KCNIP4: variants seen among roughly 807,000 people sequenced by gnomAD.
KCNIP4 encodes potassium voltage-gated channel interacting protein 4.
Under a neutral mutation model 34.0 loss-of-function variants are expected in KCNIP4, and 12 were observed. The ratio of observed to expected loss-of-function variants is 0.35; its 90% CI spans 0.23 to 0.57. The LOEUF (loss-of-function observed/expected upper bound fraction) is 0.57. Among genes scored for constraint, KCNIP4 ranks in the 20% least tolerant of loss-of-function variants. KCNIP4 has a pLI of 0.83. For missense variants in KCNIP4, 238 were observed against 311.7 expected (o/e 0.76, Z 1.78); for synonymous variants, 124 against 102.2 (o/e 1.21, Z -1.29).
intron 1 of KCNIP4, among the ~76,000 whole-genome samples, chr4:21,247,737 T>G (rs1210827431): frequency 4.5e-5 from 5 of 110,188 alleles, no homozygotes; most frequent in African/African-American, 2.3e-4. Context: ...CACAGGTGGA[T>G]ATATATATAT....
chr4:21,808,372 A>G (rs1721427045), intron 1 of KCNIP4, among the ~76,000 whole-genome samples: 2 of 152,180 alleles, frequency 1.3e-5, no homozygotes, highest in African/African-American at 4.8e-5. Flanking sequence ...ACATGAAATC[A>G]GTGAGAATGA....
intron 3 of KCNIP4, among the ~76,000 whole-genome samples, chr4:20,773,128 G>T (rs926178851): frequency 2.0e-5 from 3 of 151,562 alleles, no homozygotes; most frequent in Non-Finnish European, 4.4e-5. Context: ...TGTAGCTTTT[G>T]GAATCTAACA....
intron 1 of KCNIP4, among the ~76,000 whole-genome samples, chr4:21,771,448 T>C (rs1490358458): frequency 6.6e-6 from 1 of 152,178 alleles, no homozygotes; most frequent in African/African-American, 2.4e-5. Flanking sequence ...CCACATGAAA[T>C]TGAAAATATT....
chr4:20,949,883 A>G (rs1335730634), intron 1 of KCNIP4, among the ~76,000 whole-genome samples: 1 of 147,492 alleles, frequency 6.8e-6, no homozygotes, highest in African/African-American at 2.5e-5. Flanking sequence ...GGGGAGGGAT[A>G]GCATTGGGAG....
At chr4:21,121,783 A>G (rs1473832611) in intron 1 of KCNIP4, among the ~76,000 whole-genome samples, 3 of 152,222 alleles carry the variant, frequency 2.0e-5, no homozygotes, top group Non-Finnish European at 4.4e-5. Context: ...CCATGTTTCC[A>G]GTACGATGTC....
At position 20,796,457 on chromosome 4, in the gene KCNIP4, G is replaced by A. The variant is rs376728264; in HGVS notation, c.289-37567C>T. Among the ~76,000 whole-genome samples, 31 of 152,236 alleles carry A rather than the reference G, an allele frequency of 2.0e-4. 1 individual carries two copies. The highest frequency in any genetic ancestry group is 7.0e-4 in the African/African-American group (29 of 41,548). On this transcript the variant is annotated intron_variant, in intron 3 of 8. Coordinates refer to ENST00000382152, the MANE Select transcript of KCNIP4 (RefSeq NM_025221.6). ...GATTAAATGAAGTAGTGTGTGTAAT[G>A]TGTTGGCTCATTGGACAGAACACTG... is the stretch of plus-strand genomic sequence containing the variant.
At chr4:21,047,487 T>C (rs570253164) in intron 1 of KCNIP4, among the ~76,000 whole-genome samples, 47 of 152,330 alleles carry the variant, frequency 3.1e-4, no homozygotes, top group Non-Finnish European at 6.2e-4. Flanking sequence ...TAAGGAGGTA[T>C]TATTTTTAAC....
chr4:20,901,492 G>C (rs1042035109), intron 1 of KCNIP4, among the ~76,000 whole-genome samples: 3 of 152,156 alleles, frequency 2.0e-5, no homozygotes. Flanking sequence ...TATCTACATG[G>C]TGTCATATTA....
At chr4:21,019,153 T>G in intron 1 of KCNIP4, among the ~76,000 whole-genome samples, 1 of 152,278 alleles carries the variant, frequency 6.6e-6, no homozygotes, top group Non-Finnish European at 1.5e-5. Flanking sequence ...TTTTCTATTC[T>G]TTTTTGTTGT....
intron 1 of KCNIP4, among the ~76,000 whole-genome samples, chr4:21,298,857 A>G (rs542431288): frequency 8.3e-4 from 127 of 152,288 alleles, no homozygotes; most frequent in Non-Finnish European, 1.6e-3. Flanking sequence ...AGGCTTGTGG[A>G]AAACCATTAA....
chr4:20,729,699 C>CCATT lies in KCNIP4; in HGVS notation c.*379_*382dup, dbSNP rs563555747. 3.6e-4 allele frequency: 59 copies of CCATT among 162,588 alleles called. 1 individual carries two copies. In the East Asian group the frequency reaches 9.6e-3, roughly 27 times the overall value. 10.1% of individuals were successfully genotyped at this position (162,588 alleles called of 1,614,324 possible). On this transcript the variant is annotated 3_prime_UTR_variant, in exon 9 of 9. Coordinates refer to ENST00000382152, the MANE Select transcript of KCNIP4 (RefSeq NM_025221.6). ...ATGCAGATGTCACTATATTAGAAAA[C>CCATT]CATTCAAAATCCTAGGACTGAATAC...
At chr4:21,480,797 C>T (rs1316239518) in intron 1 of KCNIP4, among the ~76,000 whole-genome samples, 1 of 152,188 alleles carries the variant, frequency 6.6e-6, no homozygotes, top group African/African-American at 2.4e-5. Flanking sequence ...AATGAAAATA[C>T]ATAAATATTC....
intron 1 of KCNIP4, among the ~76,000 whole-genome samples, chr4:21,843,172 AG>A (rs1440175209): frequency 2.0e-5 from 3 of 152,108 alleles, no homozygotes; most frequent in African/African-American, 7.2e-5. Flanking sequence ...ACTTGTTAAA[AG>A]CTATTGTTAT....
At chr4:21,610,662 G>A (rs540426454) in intron 1 of KCNIP4, among the ~76,000 whole-genome samples, 33 of 152,208 alleles carry the variant, frequency 2.2e-4, no homozygotes, top group African/African-American at 5.8e-4. Flanking sequence ...GAAGTCATTT[G>A]TGTAAATGAG....
chr4:21,704,972 T>C (rs1169431076), intron 1 of KCNIP4, among the ~76,000 whole-genome samples: 1 of 152,190 alleles, frequency 6.6e-6, no homozygotes, highest in African/African-American at 2.4e-5. Context: ...CCTAGATGCC[T>C]TTTAATGGGT....
At chr4:21,478,463 C>T (rs578210226) in intron 1 of KCNIP4, among the ~76,000 whole-genome samples, 1 of 151,888 alleles carries the variant, frequency 6.6e-6, no homozygotes, top group South Asian at 2.1e-4. Context: ...AAATAGCAAA[C>T]AAAACAAAAC....
intron 1 of KCNIP4, among the ~76,000 whole-genome samples, chr4:21,185,201 G>C (rs930613847): frequency 6.6e-6 from 1 of 152,052 alleles, no homozygotes; most frequent in Admixed American, 6.5e-5. Flanking sequence ...ATCTTCCTAT[G>C]ATGAACGCTT....
chr4:21,845,054 G>A (rs1460152343), intron 1 of KCNIP4: 1 of 151,848 alleles, frequency 6.6e-6, no homozygotes, highest in Non-Finnish European at 1.5e-5. Context: ...CAATAGGAAG[G>A]ATGTTTAAAA....
chr4:21,450,046 T>C (rs187493718), intron 1 of KCNIP4, among the ~76,000 whole-genome samples: 12 of 152,248 alleles, frequency 7.9e-5, no homozygotes, highest in Admixed American at 2.6e-4. Context: ...TTCCTCTTCA[T>C]TGGGAAAACA....
Sources: allele counts gnomAD v4.1 joint callset (sites outside exome capture counted in the v4.1 genomes callset), GRCh38; gene constraint gnomAD v4.1.1; transcripts MANE v1.5; gene names NCBI Gene and HGNC (gene_info 2026-07-23, HGNC 2026-07-21).